The following ZBTB8A variants were observed in gnomAD, a reference collection of about 807,000 sequenced individuals.
ZBTB8A encodes zinc finger and BTB domain-containing protein 8A.
A neutral mutation model predicts 37.8 loss-of-function variants in ZBTB8A; 19 were observed. That is an observed-to-expected ratio of 0.50 (90% CI 0.35 to 0.74). The LOEUF (loss-of-function observed/expected upper bound fraction) is 0.74. ZBTB8A is among the 30% of genes least tolerant of loss of function. The pLI, the probability that ZBTB8A is intolerant of heterozygous loss-of-function variation, is 0.01. For synonymous variants in ZBTB8A, 181 were observed against 185.2 expected, an observed-to-expected ratio of 0.98 and a Z score of 0.19; for missense variants, 394 against 537.8, an observed-to-expected ratio of 0.73 and a Z score of 2.65.
chr1:32,551,865 G>C (rs1255712580), intron 1 of ZBTB8A, among the ~76,000 whole-genome samples: 1 of 152,058 alleles, frequency 6.6e-6, no homozygotes, highest in East Asian at 1.9e-4. Context: ...GAGCCACTGG[G>C]CCCAGCTCCT....
chr1:32,570,562 T>C (rs1053713154), intron 2 of ZBTB8A, among the ~76,000 whole-genome samples: 1 of 152,222 alleles, frequency 6.6e-6, no homozygotes, highest in Non-Finnish European at 1.5e-5. Flanking sequence ...TTTCCACTTA[T>C]TTAGATTGTT....
intron 2 of ZBTB8A, among the ~76,000 whole-genome samples, chr1:32,580,923 T>C (rs2148240409): frequency 6.6e-6 from 1 of 151,138 alleles, no homozygotes; most frequent in South Asian, 2.1e-4. Context: ...ACTCCCATGC[T>C]AACTAACCCA....
chr1:32,545,132 G>A (rs1482997351), intron 1 of ZBTB8A, among the ~76,000 whole-genome samples: 1 of 151,910 alleles, frequency 6.6e-6, no homozygotes, highest in Non-Finnish European at 1.5e-5. Flanking sequence ...GTGTGTGAAG[G>A]TTCTTACTTA....
At chr1:32,574,865 C>A (rs894420092) in intron 2 of ZBTB8A, among the ~76,000 whole-genome samples, 3 of 152,080 alleles carry the variant, frequency 2.0e-5, no homozygotes, top group Non-Finnish European at 2.9e-5. Context: ...GCAGACTTGA[C>A]CTCCTAAGCA....
intron 2 of ZBTB8A, among the ~76,000 whole-genome samples, chr1:32,558,872 A>G (rs564576768): frequency 6.6e-6 from 1 of 152,346 alleles, no homozygotes; most frequent in East Asian, 1.9e-4. Context: ...ATTATTGAGC[A>G]GCTACAATGT....
chr1:32,585,863 C>T (rs1644444183), intron 2 of ZBTB8A, among the ~76,000 whole-genome samples: 1 of 151,420 alleles, frequency 6.6e-6, no homozygotes, highest in Admixed American at 6.6e-5. Context: ...ATCAGCCGGG[C>T]GTGGTGGCGG....
chr1:32,541,822 A>T (rs550916833), intron 1 of ZBTB8A, among the ~76,000 whole-genome samples: 1 of 152,166 alleles, frequency 6.6e-6, no homozygotes, highest in Admixed American at 6.6e-5. Context: ...TCGTGGCCCA[A>T]TCACCTCCTA....
At chr1:32,585,771 G>A (rs1168342169) in intron 2 of ZBTB8A, among the ~76,000 whole-genome samples, 2 of 152,130 alleles carry the variant, frequency 1.3e-5, no homozygotes, top group South Asian at 4.1e-4. Flanking sequence ...GGGAGGCCAA[G>A]GTGGGTGGAT....
chr1:32,544,563 G>A (rs929357028), intron 1 of ZBTB8A, among the ~76,000 whole-genome samples: 3 of 152,334 alleles, frequency 2.0e-5, no homozygotes, highest in African/African-American at 4.8e-5. Flanking sequence ...CAGGCATGGC[G>A]GTGGGTGCCT....
At chr1:32,576,546 A>G (rs1022990914) in intron 2 of ZBTB8A, among the ~76,000 whole-genome samples, 7 of 152,162 alleles carry the variant, frequency 4.6e-5, no homozygotes, top group Admixed American at 2.6e-4. Flanking sequence ...CTTCTGCCTC[A>G]GCCTCCTGAG....
At chr1:32,575,708 T>C (rs76078674) in intron 2 of ZBTB8A, among the ~76,000 whole-genome samples, 2 of 142,392 alleles carry the variant, frequency 1.4e-5, no homozygotes, top group Non-Finnish European at 3.1e-5. Context: ...AAAAAAAAAA[T>C]AGGCATGATG....
At position 32,593,576 on chromosome 1, in the gene ZBTB8A, G is replaced by T; in HGVS notation, c.645G>T (p.Leu215Phe). The change falls in exon 3 of 5, where the codon TTG (leucine) becomes TTT (phenylalanine). Residue 215 changes from leucine to phenylalanine, a missense_variant. Physicochemically the swap from Leu to Phe is conservative, Grantham distance 22 (BLOSUM62 0). Around this residue, in one of 4 missense-constraint regions of ZBTB8A, gnomAD observed 171 missense variants for 186.8 expected, o/e 0.92. Transcript: ENST00000373510. ...TTAAAAAGACCAAACATTTGAGATTGTCACAGCCTTCTGAAGTTACTCATT... is the reference window on the plus strand; with the variant it reads ...TTAAAAAGACCAAACATTTGAGATTTTCACAGCCTTCTGAAGTTACTCATT... ...ESIKKTKHLRLSQPSEVTHYK... is the reference protein window; with the variant it reads ...ESIKKTKHLRFSQPSEVTHYK... The T allele has an allele frequency of 4.3e-6, 7 of 1,614,218 alleles. No homozygotes were observed. The highest frequency in any genetic ancestry group is 5.9e-6 in the Non-Finnish European group (7 of 1,180,046).
intron 1 of ZBTB8A, among the ~76,000 whole-genome samples, chr1:32,553,184 T>C (rs1644171092): frequency 2.0e-5 from 3 of 151,810 alleles, no homozygotes; most frequent in South Asian, 2.1e-4. Flanking sequence ...CTCAGCCTCC[T>C]GAGTAGCTGG....
At chr1:32,582,598 G>A (rs1313817820) in intron 2 of ZBTB8A, among the ~76,000 whole-genome samples, 2 of 151,682 alleles carry the variant, frequency 1.3e-5, no homozygotes, top group Non-Finnish European at 2.9e-5. Flanking sequence ...CAGTGAGATC[G>A]TGCCATTGCA....
intron 2 of ZBTB8A, among the ~76,000 whole-genome samples, chr1:32,561,560 T>C (rs1644244148): frequency 6.6e-6 from 1 of 150,526 alleles, no homozygotes; most frequent in Non-Finnish European, 1.5e-5. Context: ...TTTGTGGTTT[T>C]GTTTTTGTTT....
intron 2 of ZBTB8A, among the ~76,000 whole-genome samples, chr1:32,582,867 C>T (rs891679033): frequency 1.3e-5 from 2 of 152,014 alleles, no homozygotes; most frequent in East Asian, 3.9e-4. Flanking sequence ...ATGTCCAATC[C>T]CTAGCTAAGT....
chr1:32,547,956 A>AC (rs1246678592), intron 1 of ZBTB8A, among the ~76,000 whole-genome samples: 3 of 150,464 alleles, frequency 2.0e-5, no homozygotes, highest in African/African-American at 7.3e-5. Flanking sequence ...AAACAGTGAA[A>AC]CCCCCATCTC....
At chr1:32,577,045 T>C (rs1052797837) in intron 2 of ZBTB8A, among the ~76,000 whole-genome samples, 1 of 150,550 alleles carries the variant, frequency 6.6e-6, no homozygotes, top group African/African-American at 2.5e-5. Flanking sequence ...GCTAATTTTT[T>C]GTATTTTTTA....
intron 1 of ZBTB8A, among the ~76,000 whole-genome samples, chr1:32,540,249 C>T (rs1644042156): frequency 6.6e-6 from 1 of 152,094 alleles, no homozygotes; most frequent in South Asian, 2.1e-4. Context: ...TTGTTCCCTT[C>T]CCCTTCAGAT....
Sources: gnomAD v4.1 joint callset for allele counts (sites outside exome capture counted in the v4.1 genomes callset) on GRCh38, gnomAD v4.1.1 for gene constraint, gnomAD v4.1.1 regional missense constraint, MANE v1.5 for transcripts, NCBI Gene and HGNC (gene_info 2026-07-23, HGNC 2026-07-21) for gene names.